Variants in LINGO2 observed in about 807,000 individuals in gnomAD.
LINGO2 encodes leucine rich repeat and Ig domain containing 2, also known as leucine-rich repeat and immunoglobulin-like domain-containing nogo receptor-interacting protein 2.
Under a neutral mutation model 30.6 loss-of-function variants are expected in LINGO2, and 14 were observed. The observed-to-expected ratio is 0.46, with a 90% CI of 0.30 to 0.72. The LOEUF is 0.72. LINGO2 is among the 30% of genes least tolerant of loss of function. The probability of loss-of-function intolerance (pLI) is 0.07; values close to 1 mark genes in which losing one functional copy is unlikely to be tolerated. For missense variants in LINGO2, 729 were observed against 751.7 expected (o/e 0.97, Z 0.35); for synonymous variants, 317 against 288.5 (o/e 1.10, Z -1.00).
intron 3 of LINGO2, among the ~76,000 whole-genome samples, chr9:28,338,726 C>T (rs1825670510): frequency 6.6e-6 from 1 of 152,084 alleles, no homozygotes; most frequent in African/African-American, 2.4e-5. Context: ...GCTCATTCTT[C>T]TTTTCTCTGC....
the LINGO2 span, among the ~76,000 whole-genome samples, chr9:28,885,426 CACATAT>C: frequency 7.0e-6 from 1 of 143,372 alleles, no homozygotes; most frequent in Non-Finnish European, 1.5e-5. Flanking sequence ...TATATACACA[CACATAT>C]ACATATATAT....
chr9:28,407,589 A>G (rs1259694285), intron 2 of LINGO2, among the ~76,000 whole-genome samples: 2 of 152,172 alleles, frequency 1.3e-5, no homozygotes, highest in African/African-American at 4.8e-5. Context: ...TGTTGCCAAC[A>G]CTTGCAAATT....
At chr9:28,328,311 T>C (rs1323325605) in intron 3 of LINGO2, among the ~76,000 whole-genome samples, 3 of 152,206 alleles carry the variant, frequency 2.0e-5, no homozygotes, top group Non-Finnish European at 2.9e-5. Context: ...TGTAATGTTA[T>C]TTATATCTAA....
At chr9:28,265,577 AG>A (rs1165425866) in intron 4 of LINGO2, among the ~76,000 whole-genome samples, 2 of 151,990 alleles carry the variant, frequency 1.3e-5, no homozygotes, top group Non-Finnish European at 2.9e-5. Context: ...TATACATTAA[AG>A]TATTAAAGAG....
At chr9:28,342,324 C>G (rs938820145) in intron 3 of LINGO2, among the ~76,000 whole-genome samples, 2 of 152,100 alleles carry the variant, frequency 1.3e-5, no homozygotes, top group Non-Finnish European at 2.9e-5. Flanking sequence ...TAAGATGCCT[C>G]AAATCCTACA....
the LINGO2 span, among the ~76,000 whole-genome samples, chr9:28,805,735 A>G: frequency 5.3e-5 from 8 of 152,140 alleles, no homozygotes; most frequent in Non-Finnish European, 7.3e-5. Context: ...TTGTCCCTCA[A>G]CAGTCCCTGT....
intron 1 of LINGO2, among the ~76,000 whole-genome samples, chr9:28,590,119 T>C (rs946795837): frequency 1.3e-5 from 2 of 152,150 alleles, no homozygotes; most frequent in Non-Finnish European, 2.9e-5. Context: ...AAGCTGAAAC[T>C]GGATCCCTTC....
intron 1 of LINGO2, among the ~76,000 whole-genome samples, chr9:28,583,695 A>C (rs74907830): frequency 7.5e-4 from 114 of 152,184 alleles, no homozygotes; most frequent in African/African-American, 2.7e-3. Context: ...TTAAATGATT[A>C]AGCAAAATAT....
At chr9:28,079,364 G>C (rs756788044) in intron 4 of LINGO2, among the ~76,000 whole-genome samples, 3 of 152,114 alleles carry the variant, frequency 2.0e-5, no homozygotes, top group Non-Finnish European at 4.4e-5. Flanking sequence ...AGAATGTCTT[G>C]GTGAACACGA....
intron 4 of LINGO2, among the ~76,000 whole-genome samples, chr9:28,092,407 G>C (rs1294374481): frequency 1.3e-5 from 2 of 152,030 alleles, no homozygotes; most frequent in Non-Finnish European, 2.9e-5. Context: ...GGACATGGAT[G>C]AAGCTGGAAA....
chr9:28,149,610 G>A (rs1827929847), intron 4 of LINGO2, among the ~76,000 whole-genome samples: 1 of 150,778 alleles, frequency 6.6e-6, no homozygotes, highest in African/African-American at 2.4e-5. Context: ...GAAGTGAGGA[G>A]TGCCTGTGCC....
the LINGO2 span, among the ~76,000 whole-genome samples, chr9:29,034,274 C>G: frequency 1.8e-3 from 274 of 152,088 alleles, 1 homozygote; most frequent in African/African-American, 6.3e-3. Context: ...ATGTTCCATT[C>G]ATTTAAATTT....
At chr9:29,010,853 G>C in the LINGO2 span, among the ~76,000 whole-genome samples, 2 of 117,108 alleles carry the variant, frequency 1.7e-5, no homozygotes, top group Admixed American at 1.8e-4. Context: ...CTGCACTCCA[G>C]CCTGGGTGAC....
chr9:29,057,499 C>T, the LINGO2 span, among the ~76,000 whole-genome samples: 1,166 of 152,198 alleles, frequency 7.7e-3, 12 homozygotes, highest in Non-Finnish European at 9.0e-3. Flanking sequence ...ATAGTATCAT[C>T]CTTAACTTTC....
chr9:28,879,797 C>A, the LINGO2 span, among the ~76,000 whole-genome samples: 2 of 151,908 alleles, frequency 1.3e-5, no homozygotes, highest in Non-Finnish European at 2.9e-5. Context: ...TTGGGAATTT[C>A]TGAGGAAAAT....
chr9:28,532,420 G>T (rs1472365295), intron 1 of LINGO2, among the ~76,000 whole-genome samples: 2 of 151,904 alleles, frequency 1.3e-5, no homozygotes, highest in Non-Finnish European at 2.9e-5. Flanking sequence ...TTTGTCCTCA[G>T]ATTTTTCTTT....
chr9:28,954,829 A>G, the LINGO2 span, among the ~76,000 whole-genome samples: 1 of 152,154 alleles, frequency 6.6e-6, no homozygotes, highest in Non-Finnish European at 1.5e-5. Context: ...CAGGGTGGAG[A>G]TACCACTTTC....
rs79459832 is a variant in LINGO2 at position 27,974,484 on chromosome 9, G to T, written c.-35-23778C>A. 9.2e-5 allele frequency among the ~76,000 whole-genome samples: 14 copies of T among 152,180 alleles called. No individual in the cohort carries two copies. In the East Asian group the frequency reaches 2.7e-3, roughly 30 times the overall value. ...TCACCTTCCTATTGAGTCACCAAAG[G>T]CCTGCAGGTACTCCTTGGATAATGG... On this transcript the variant is annotated intron_variant, in intron 5 of 5. Coordinates refer to ENST00000379992, the Ensembl canonical transcript of LINGO2.
chr9:28,237,650 C>T (rs1821624980), intron 4 of LINGO2, among the ~76,000 whole-genome samples: 1 of 152,102 alleles, frequency 6.6e-6, no homozygotes, highest in Non-Finnish European at 1.5e-5. Flanking sequence ...ATCAGGAGTT[C>T]AAGACCAGCC....
Sources: gnomAD v4.1 joint callset for allele counts (sites outside exome capture counted in the v4.1 genomes callset) on GRCh38, gnomAD v4.1.1 for gene constraint, MANE v1.5 for transcripts, NCBI Gene and HGNC (gene_info 2026-07-23, HGNC 2026-07-21) for gene names.